Variants in KANSL1L observed in about 807,000 individuals in gnomAD.
KANSL1L encodes KAT8 regulatory NSL complex subunit 1-like protein.
KANSL1L carries 25 observed loss-of-function variants against 108.6 expected under a neutral mutation model. The ratio of observed to expected loss-of-function variants is 0.23; its 90% CI spans 0.17 to 0.32. KANSL1L has a LOEUF of 0.32. KANSL1L is among the 10% of genes least tolerant of loss of function. The pLI is 1.00. For synonymous variants in KANSL1L, 405 were observed against 395.1 expected, an observed-to-expected ratio of 1.03 and a Z score of -0.30; for missense variants, 1,137 against 1,125.7, an observed-to-expected ratio of 1.01 and a Z score of -0.14.
At chr2:210,029,012 A>C in intron 10 of KANSL1L, 43 bp from the exon 11 acceptor site, 1 of 1,499,478 alleles carries the variant, frequency 6.7e-7, no homozygotes, top group Middle Eastern at 1.7e-4. Context: ...CTGTCTAGTT[A>C]CTTGTAATGA....
chr2:210,159,862 C>T (rs950392860), intron 1 of KANSL1L, among the ~76,000 whole-genome samples: 6 of 152,024 alleles, frequency 3.9e-5, no homozygotes, highest in South Asian at 2.1e-4. Context: ...GGTGAAACCC[C>T]GTCTCTACTA....
At chr2:210,121,803 C>G (rs1367616652) in intron 3 of KANSL1L, among the ~76,000 whole-genome samples, 1 of 152,100 alleles carries the variant, frequency 6.6e-6, no homozygotes, top group Non-Finnish European at 1.5e-5. Context: ...ACAGACTCCA[C>G]TAAAAAACTA....
chr2:210,119,537 C>T (rs543581384), intron 3 of KANSL1L, among the ~76,000 whole-genome samples: 23 of 152,080 alleles, frequency 1.5e-4, no homozygotes, highest in Admixed American at 5.2e-4. Flanking sequence ...GTTCAACACA[C>T]GCAAATTAAT....
intron 1 of KANSL1L, among the ~76,000 whole-genome samples, chr2:210,155,729 GA>G (rs1575634444): frequency 6.6e-6 from 1 of 152,146 alleles, no homozygotes; most frequent in East Asian, 1.9e-4. Context: ...TATGAAGGCT[GA>G]ATAGTTTGTA....
intron 1 of KANSL1L, among the ~76,000 whole-genome samples, chr2:210,162,003 T>C (rs1273591744): frequency 6.6e-6 from 1 of 150,652 alleles, no homozygotes; most frequent in Non-Finnish European, 1.5e-5. Flanking sequence ...GGCGGGAGGA[T>C]CACTTGAGCC....
At chr2:210,102,035 T>G (rs901420386) in intron 4 of KANSL1L, among the ~76,000 whole-genome samples, 2 of 152,226 alleles carry the variant, frequency 1.3e-5, no homozygotes, top group Non-Finnish European at 2.9e-5. Context: ...CAGCACCACT[T>G]ATTAAATAGG....
At chr2:210,136,105 G>C (rs900616185) in intron 2 of KANSL1L, among the ~76,000 whole-genome samples, 3 of 152,052 alleles carry the variant, frequency 2.0e-5, no homozygotes, top group Non-Finnish European at 2.9e-5. Flanking sequence ...ACTTAAAAAG[G>C]GTTCCAAAAA....
At chr2:210,141,523 C>T (rs1443654488) in intron 2 of KANSL1L, among the ~76,000 whole-genome samples, 2 of 152,092 alleles carry the variant, frequency 1.3e-5, no homozygotes, top group African/African-American at 2.4e-5. Flanking sequence ...AAAGAACAAG[C>T]CCTCACCTAA....
intron 5 of KANSL1L, chr2:210,089,193 A>G (rs1184104754): frequency 6.6e-6 from 1 of 152,226 alleles, no homozygotes; most frequent in East Asian, 1.9e-4. Context: ...TTTAATTGAA[A>G]AAGTTTTTGG....
intron 1 of KANSL1L, among the ~76,000 whole-genome samples, chr2:210,163,291 T>G (rs1236590585): frequency 1.3e-5 from 2 of 152,206 alleles, no homozygotes; most frequent in Middle Eastern, 3.4e-3. Flanking sequence ...TGACAGGTAA[T>G]GTAAGAAGAG....
chr2:210,140,715 G>C (rs952500993), intron 2 of KANSL1L, among the ~76,000 whole-genome samples: 1 of 152,112 alleles, frequency 6.6e-6, no homozygotes, highest in Non-Finnish European at 1.5e-5. Context: ...TGATAACAAT[G>C]ATATGGAATT....
chr2:210,048,598 T>C (rs1575416431), intron 6 of KANSL1L, among the ~76,000 whole-genome samples: 1 of 152,150 alleles, frequency 6.6e-6, no homozygotes, highest in African/African-American at 2.4e-5. Context: ...CACACATACA[T>C]ATACACATTT....
chr2:210,127,597 G>C (rs1037889251), intron 3 of KANSL1L, among the ~76,000 whole-genome samples: 1 of 151,570 alleles, frequency 6.6e-6, no homozygotes, highest in South Asian at 2.1e-4. Flanking sequence ...CTAGGAGTTC[G>C]AGACCAGCCT....
chr2:210,102,511 C>A (rs1434800407), intron 4 of KANSL1L, among the ~76,000 whole-genome samples: 1 of 152,046 alleles, frequency 6.6e-6, no homozygotes, highest in Non-Finnish European at 1.5e-5. Flanking sequence ...AAAGAAACTA[C>A]CATCAGAGTG....
At chr2:210,035,294 A>G (rs2094085894) in intron 8 of KANSL1L, 1 of 152,130 alleles carries the variant, frequency 6.6e-6, no homozygotes, top group Admixed American at 6.6e-5. Flanking sequence ...TCATGATTAA[A>G]CTAGTCATCC....
intron 3 of KANSL1L, among the ~76,000 whole-genome samples, chr2:210,112,443 T>A (rs2094916699): frequency 6.6e-6 from 1 of 151,926 alleles, no homozygotes. Flanking sequence ...ATAAAACACA[T>A]CTTTAAAGTG....
At chr2:210,066,949 T>G (rs2094471013) in intron 6 of KANSL1L, among the ~76,000 whole-genome samples, 1 of 152,214 alleles carries the variant, frequency 6.6e-6, no homozygotes, top group African/African-American at 2.4e-5. Flanking sequence ...CCAAACAGAT[T>G]AACATTTGAA....
chr2:210,065,934 C>G (rs796419580), intron 6 of KANSL1L, among the ~76,000 whole-genome samples: 1 of 152,036 alleles, frequency 6.6e-6, no homozygotes. Context: ...AAGCCTGAGC[C>G]TAATGCCATA....
At chr2:210,059,671 C>T (rs184502874) in intron 6 of KANSL1L, among the ~76,000 whole-genome samples, 1 of 152,082 alleles carries the variant, frequency 6.6e-6, no homozygotes, top group Non-Finnish European at 1.5e-5. Flanking sequence ...TAAGAAAATC[C>T]TCAACTAAGA....
Sources: gnomAD v4.1 joint callset for allele counts (sites outside exome capture counted in the v4.1 genomes callset) on GRCh38, gnomAD v4.1.1 for gene constraint, MANE v1.5 for transcripts, NCBI Gene and HGNC (gene_info 2026-07-23, HGNC 2026-07-21) for gene names.